The following ADAM9 variants were observed in gnomAD, a reference collection of about 807,000 sequenced individuals.
ADAM9 encodes disintegrin and metalloproteinase domain-containing protein 9.
ADAM9 carries 54 observed loss-of-function variants against 108.1 expected under a neutral mutation model. The ratio of observed to expected loss-of-function variants is 0.50; its 90% CI spans 0.40 to 0.63. ADAM9 has a LOEUF of 0.63. Ranked by LOEUF, ADAM9 falls within the 20% of genes least tolerant of loss-of-function variation. The pLI is 0.00. For missense variants in ADAM9, 830 were observed against 997.7 expected (o/e 0.83, Z 2.26); for synonymous variants, 316 against 336.0 (o/e 0.94, Z 0.65).
chr8:39,060,210 G>A (rs912479756), intron 14 of ADAM9, among the ~76,000 whole-genome samples: 5 of 152,176 alleles, frequency 3.3e-5, no homozygotes, highest in Non-Finnish European at 7.3e-5. Flanking sequence ...ACAAGGCTTT[G>A]CTCCAAAATC....
At chr8:39,074,106 G>T (rs1187835572) in intron 15 of ADAM9, among the ~76,000 whole-genome samples, 1 of 152,064 alleles carries the variant, frequency 6.6e-6, no homozygotes, top group African/African-American at 2.4e-5. Flanking sequence ...CACTATTTTT[G>T]TTGTCATCCT....
intron 14 of ADAM9, among the ~76,000 whole-genome samples, chr8:39,058,422 T>C (rs1838195018): frequency 6.6e-6 from 1 of 152,320 alleles, no homozygotes; most frequent in Admixed American, 6.5e-5. Flanking sequence ...CTGTCGTTCT[T>C]GAAGGGTCTG....
At chr8:39,085,471 T>G (rs928795154) in intron 18 of ADAM9, among the ~76,000 whole-genome samples, 3 of 152,214 alleles carry the variant, frequency 2.0e-5, no homozygotes, top group African/African-American at 7.2e-5. Context: ...TGATTTAATT[T>G]CTGCTTGAAG....
At chr8:39,018,813 T>C (rs776640071) in intron 6 of ADAM9, 40 bp from the exon 7 acceptor site, 97 of 1,582,758 alleles carry the variant, frequency 6.1e-5, no homozygotes, top group Non-Finnish European at 8.2e-5. Flanking sequence ...CATAGCCTTA[T>C]AACTTCCTTT....
intron 11 of ADAM9, among the ~76,000 whole-genome samples, chr8:39,028,287 TAC>T (rs374537327): frequency 1.6e-4 from 25 of 152,154 alleles, no homozygotes; most frequent in African/African-American, 6.0e-4. Context: ...AAGCAGAATT[TAC>T]AGTTTTTGAA....
chr8:39,023,579 C>T (rs1404462053), intron 9 of ADAM9, among the ~76,000 whole-genome samples: 3 of 151,580 alleles, frequency 2.0e-5, no homozygotes, highest in South Asian at 4.2e-4. Flanking sequence ...TTTTTGTGAA[C>T]GGATATATAG....
At chr8:39,005,142 A>T (rs1377897137) in intron 1 of ADAM9, among the ~76,000 whole-genome samples, 1 of 152,142 alleles carries the variant, frequency 6.6e-6, no homozygotes, top group Non-Finnish European at 1.5e-5. Flanking sequence ...TTGTAGAGGG[A>T]CAAAGATCTA....
chr8:39,036,065 A>AT (rs1392550303), intron 11 of ADAM9, among the ~76,000 whole-genome samples: 3 of 150,066 alleles, frequency 2.0e-5, no homozygotes, highest in Middle Eastern at 3.2e-3. Context: ...TACATGTTTC[A>AT]TTTTTTCCCC....
intron 12 of ADAM9, among the ~76,000 whole-genome samples, chr8:39,046,999 A>G (rs1837796466): frequency 6.6e-6 from 1 of 152,052 alleles, no homozygotes; most frequent in African/African-American, 2.4e-5. Flanking sequence ...GAACTCCTGG[A>G]CTCAAGCAGT....
At chr8:39,076,748 T>C (rs1838861214) in intron 15 of ADAM9, among the ~76,000 whole-genome samples, 1 of 152,240 alleles carries the variant, frequency 6.6e-6, no homozygotes, top group African/African-American at 2.4e-5. Context: ...ATGAATTGAT[T>C]CTTTAAATAA....
rs1182813338 is a variant in ADAM9, at chr8:39,045,370, GTACA to G, written c.1302+3258_1302+3261del. On this transcript the variant is annotated intron_variant, in intron 12 of 21. Transcript: ENST00000487273. ...TGTGTGTACATACATATAGGTGTGT[GTACA>G]TACACCTATAGGTGTGTGTACACAC... Among the ~76,000 whole-genome samples the G allele has an allele frequency of 6.3e-3, 326 of 52,116 alleles. 10 individuals carry two copies. The highest frequency in any genetic ancestry group is 9.4e-3 in the Non-Finnish European group (229 of 24,284). 34.2% of individuals were successfully genotyped at this position (52,116 alleles called of 152,430 possible).
At chr8:39,062,527 A>G (rs1052858391) in intron 14 of ADAM9, among the ~76,000 whole-genome samples, 1 of 152,214 alleles carries the variant, frequency 6.6e-6, no homozygotes, top group Non-Finnish European at 1.5e-5. Flanking sequence ...AAGTTTTTAC[A>G]TGGGTCAGGT....
At chr8:39,008,324 C>T (rs1836232252) in intron 2 of ADAM9, among the ~76,000 whole-genome samples, 1 of 152,066 alleles carries the variant, frequency 6.6e-6, no homozygotes, top group Admixed American at 6.5e-5. Context: ...GCATGTGCCA[C>T]CATGTCTGGC....
At chr8:39,014,583 C>T (rs1345927201) in intron 4 of ADAM9, 1 of 702,224 alleles carries the variant, frequency 1.4e-6, no homozygotes, top group Admixed American at 2.0e-5. Context: ...TCAAATTTGG[C>T]TTTCTGTGTT....
chr8:39,037,727 C>T (rs1222138229), intron 11 of ADAM9, among the ~76,000 whole-genome samples: 2 of 152,038 alleles, frequency 1.3e-5, no homozygotes, highest in Non-Finnish European at 2.9e-5. Context: ...AACATTATTG[C>T]ATGTATACCA....
chr8:39,039,144 G>A (rs1482338089), intron 11 of ADAM9, among the ~76,000 whole-genome samples: 2 of 152,126 alleles, frequency 1.3e-5, no homozygotes, highest in Non-Finnish European at 2.9e-5. Context: ...AAAAGACCAA[G>A]CTATAGATAG....
intron 12 of ADAM9, among the ~76,000 whole-genome samples, chr8:39,044,993 T>C (rs1326628664): frequency 6.7e-5 from 10 of 149,140 alleles, no homozygotes; most frequent in African/African-American, 2.5e-4. Context: ...TGTATATGTG[T>C]GTGCACACAT....
intron 18 of ADAM9, among the ~76,000 whole-genome samples, chr8:39,084,446 CT>C (rs151294356): frequency 1.1e-4 from 17 of 148,356 alleles, no homozygotes; most frequent in Admixed American, 2.0e-4. Flanking sequence ...TTCTAATATG[CT>C]TTTTTTTTCT....
intron 18 of ADAM9, among the ~76,000 whole-genome samples, chr8:39,088,545 C>T (rs1209369469): frequency 6.6e-6 from 1 of 152,188 alleles, no homozygotes; most frequent in African/African-American, 2.4e-5. Context: ...GTGTGAGCCA[C>T]TGCGCCCGGC....
Sources: allele counts gnomAD v4.1 joint callset (sites outside exome capture counted in the v4.1 genomes callset), GRCh38; gene constraint gnomAD v4.1.1; transcripts MANE v1.5; gene names NCBI Gene and HGNC (gene_info 2026-07-23, HGNC 2026-07-21).